SLF2: variants seen among roughly 807,000 people sequenced by gnomAD.
SLF2 encodes the protein SMC5/6 complex localization factor 2, also known as SMC5-SMC6 complex localization factor protein 2.
In SLF2, 68 loss-of-function variants were observed where a neutral mutation model predicts 124.3. The ratio of observed to expected loss-of-function variants is 0.55; its 90% CI spans 0.45 to 0.67. The LOEUF (loss-of-function observed/expected upper bound fraction) is 0.67, where lower values mean the gene tolerates loss of function less well. SLF2 is among the 30% of genes least tolerant of loss of function. The pLI is 0.00. For missense variants in SLF2, 1,246 were observed against 1,373.7 expected, an observed-to-expected ratio of 0.91 and a Z score of 1.47; for synonymous variants, 480 against 478.8, an observed-to-expected ratio of 1.00 and a Z score of -0.03.
chr10:100,946,039 C>T (rs1465000760), intron 13 of SLF2, among the ~76,000 whole-genome samples: 1 of 152,162 alleles, frequency 6.6e-6, no homozygotes. Flanking sequence ...TTGAGTTGAA[C>T]TTCTGCAACC....
intron 4 of SLF2, among the ~76,000 whole-genome samples, chr10:100,922,730 T>C (rs1241480317): frequency 6.6e-6 from 1 of 151,904 alleles, no homozygotes; most frequent in Non-Finnish European, 1.5e-5. Flanking sequence ...GCCTCCTGAG[T>C]AGCTGGGACT....
At chr10:100,941,310 T>C (rs1833752062) in intron 11 of SLF2, among the ~76,000 whole-genome samples, 1 of 152,212 alleles carries the variant, frequency 6.6e-6, no homozygotes. Context: ...TAAGGGATAC[T>C]AGTACAATTC....
chr10:100,952,671 G>A (rs956190803), intron 17 of SLF2, among the ~76,000 whole-genome samples: 5 of 152,030 alleles, frequency 3.3e-5, no homozygotes, highest in Admixed American at 6.5e-5. Context: ...GGGCACAGTG[G>A]CTCACACATG....
intron 4 of SLF2, among the ~76,000 whole-genome samples, chr10:100,920,555 T>G (rs571337272): frequency 3.2e-4 from 48 of 152,256 alleles, no homozygotes; most frequent in Non-Finnish European, 5.3e-4. Flanking sequence ...ACATTTATAC[T>G]TCAATTGACT....
In SLF2 at chr10:100,924,522, A is replaced by G; in HGVS notation, c.1521A>G (p.Ser507=). 1.2e-6 allele frequency: 2 copies of G among 1,614,176 alleles called. No individual in the cohort carries two copies. Among genetic ancestry groups the G allele is most frequent in the Non-Finnish European group, 1.7e-6 (2 of 1,180,034 alleles). ...CTAAAAAAGATAAAGAGCGTTCCTC[A>G]TCTAAAGAATGTTCTGGGCATTCTA... ...PVSKKDKERS[S]SKECSGHSTE... is the part of the protein sequence containing the mutation. Residue 507 remains serine, a synonymous_variant, in exon 5 of 20, where the codon TCA becomes TCG. Coordinates refer to ENST00000238961, the MANE Select transcript of SLF2 (RefSeq NM_018121.4).
chr10:100,919,666 C>A (rs182672553), intron 4 of SLF2, among the ~76,000 whole-genome samples: 9 of 152,080 alleles, frequency 5.9e-5, no homozygotes, highest in Admixed American at 5.2e-4. Flanking sequence ...CTAGTGTATC[C>A]GATTTTTTTC....
At position 100,938,637 on chromosome 10, in the gene SLF2, T is replaced by C; in HGVS notation, c.2555T>C (p.Leu852Ser). ...DSPVWPWIPS[L>S]SDVAAVFFNM... ...CCAGTTTGGCCATGGATCCCATCAT[T>C]GTCTGATGTAGCAGCTGTGTTTTTC... The change falls in exon 11 of 20, where the codon TTG becomes TCG. Residue 852 changes from leucine (L) to serine (S), a missense_variant. Physicochemically the swap from Leu to Ser is moderately radical, Grantham distance 145. Transcript: ENST00000238961. 1 of 1,612,958 alleles carries C rather than the reference T, an allele frequency of 6.2e-7. No individual in the cohort carries two copies. Among genetic ancestry groups the C allele is most frequent in the Non-Finnish European group, 8.5e-7 (1 of 1,179,608 alleles).
In SLF2 at chr10:100,950,164, A is replaced by T. The variant is rs752283411; in HGVS notation, c.3209A>T (p.Asp1070Val). ...MVLKKKAEQP[D>V]GIIDDSLHLE... ...TTGAAGAAAAAGGCTGAACAACCAG[A>T]TGGCATTATTGATGACAGTCTTCAT... Residue 1070 changes from aspartate (D) to valine (V), a missense_variant, in exon 16 of 20, where the codon GAT (aspartate) becomes GTT (valine). By Grantham distance (152) the Asp-to-Val change is radical (BLOSUM62 -3). This residue lies in a region of SLF2 where 535 missense variants were observed against 632.8 expected (regional missense o/e 0.85). Coordinates refer to ENST00000238961, the MANE Select transcript of SLF2 (RefSeq NM_018121.4). The T allele has an allele frequency of 8.7e-6, 14 of 1,613,992 alleles. 1 individual carries two copies. The highest frequency in any genetic ancestry group is 2.2e-5 in the South Asian group (2 of 91,046).
intron 18 of SLF2, among the ~76,000 whole-genome samples, chr10:100,957,181 G>C (rs967373211): frequency 6.6e-6 from 1 of 152,038 alleles, no homozygotes; most frequent in African/African-American, 2.4e-5. Context: ...AAGGATTGAA[G>C]CATTATTTAA....
chr10:100,955,089 G>A (rs1012591761), intron 17 of SLF2, among the ~76,000 whole-genome samples: 2 of 151,148 alleles, frequency 1.3e-5, no homozygotes, highest in Non-Finnish European at 2.9e-5. Flanking sequence ...ACAGGTACCC[G>A]CCACCACGCC....
intron 15 of SLF2, 148 bp from the exon 16 acceptor site, chr10:100,949,928 T>C: frequency 2.5e-6 from 2 of 794,576 alleles, no homozygotes; most frequent in Non-Finnish European, 3.6e-6. Context: ...ATTCAGGGTT[T>C]TACATAAAGG....
intron 14 of SLF2, 59 bp from the exon 15 acceptor site, chr10:100,947,701 T>C: frequency 8.2e-7 from 1 of 1,220,478 alleles, no homozygotes; most frequent in South Asian, 1.3e-5. Context: ...CTCATTCATT[T>C]GCTTTTCAAG....
At chr10:100,918,503 T>C in intron 4 of SLF2, 62 bp downstream of exon 4, 1 of 1,092,210 alleles carries the variant, frequency 9.2e-7, no homozygotes, top group East Asian at 2.4e-5. Context: ...GCACTGCTTT[T>C]TAAAATAAAT....
At chr10:100,932,710 T>C (rs1405785429) in intron 9 of SLF2, among the ~76,000 whole-genome samples, 11 of 88,478 alleles carry the variant, frequency 1.2e-4, no homozygotes, top group African/African-American at 3.5e-4. Context: ...TGTGTGTGTG[T>C]GTGTGTGTGT....
At chr10:100,936,496 G>C (rs991215691) in intron 9 of SLF2, among the ~76,000 whole-genome samples, 2 of 151,890 alleles carry the variant, frequency 1.3e-5, no homozygotes, top group African/African-American at 4.8e-5. Context: ...ACCACGCCTG[G>C]CTAATTCTTT....
At chr10:100,959,555 C>T (rs1191033615) in intron 19 of SLF2, 59 bp downstream of exon 19, 1 of 1,583,430 alleles carries the variant, frequency 6.3e-7, no homozygotes, top group Admixed American at 1.8e-5. Context: ...TGGCACTCTT[C>T]ATACTGTTTG....
chr10:100,914,915 T>G (rs1285260550), intron 1 of SLF2, among the ~76,000 whole-genome samples: 1 of 152,224 alleles, frequency 6.6e-6, no homozygotes, highest in Non-Finnish European at 1.5e-5. Flanking sequence ...GATGAATGTT[T>G]AGGGAAATCA....
chr10:100,955,860 C>CTGAGGTTGTAGTGA lies in SLF2; in HGVS notation c.3331-591_3331-590insTGAGGTTGTAGTGA, dbSNP rs1850319463. On this transcript the variant is annotated intron_variant, in intron 17 of 19. Coordinates refer to ENST00000238961, the MANE Select transcript of SLF2 (RefSeq NM_018121.4). Reference sequence around the variant, plus strand: ...GCCAGAGGTTGTAGTGAGCTGAGATCGCACCACTGCACTTCAACCTGGGTG... The same window carrying CTGAGGTTGTAGTGA: ...GCCAGAGGTTGTAGTGAGCTGAGATCTGAGGTTGTAGTGAGCACCACTGCACTTCAACCTGGGTG... Among the ~76,000 whole-genome samples, 9 of 149,634 alleles carry CTGAGGTTGTAGTGA rather than the reference C, an allele frequency of 6.0e-5. No homozygotes were observed. In the South Asian group the frequency reaches 1.9e-3, roughly 31 times the overall value.
chr10:100,945,697 T>C (rs1850091526), intron 13 of SLF2, among the ~76,000 whole-genome samples, 191 bp downstream of exon 13: 1 of 152,222 alleles, frequency 6.6e-6, no homozygotes, highest in Non-Finnish European at 1.5e-5. Flanking sequence ...AAACTTCAAC[T>C]CTTTATCCAA....
Sources: gnomAD v4.1 joint callset for allele counts (sites outside exome capture counted in the v4.1 genomes callset) on GRCh38, gnomAD v4.1.1 for gene constraint, gnomAD v4.1.1 regional missense constraint, MANE v1.5 for transcripts, NCBI Gene and HGNC (gene_info 2026-07-23, HGNC 2026-07-21) for gene names.